Variants in GRAMD4 observed in about 807,000 individuals in gnomAD.
The protein encoded by GRAMD4 is GRAM domain containing 4.
A neutral mutation model predicts 83.9 loss-of-function variants in GRAMD4; 25 were observed. That is an observed-to-expected ratio of 0.30 (90% CI 0.22 to 0.42). GRAMD4 has a LOEUF of 0.42. Among genes scored for constraint, GRAMD4 ranks in the 10% least tolerant of loss-of-function variants. The pLI is 1.00. For missense variants in GRAMD4, 593 were observed against 788.7 expected (o/e 0.75, Z 2.97); for synonymous variants, 336 against 320.9 (o/e 1.05, Z -0.50).
intron 3 of GRAMD4, among the ~76,000 whole-genome samples, chr22:46,640,058 T>G (rs1442713787): frequency 6.6e-6 from 1 of 152,212 alleles, no homozygotes; most frequent in Non-Finnish European, 1.5e-5. Flanking sequence ...GGCCCTTGGT[T>G]GACTGTCCAG....
chr22:46,638,168 C>T (rs1218623037), intron 3 of GRAMD4, among the ~76,000 whole-genome samples: 6 of 152,210 alleles, frequency 3.9e-5, no homozygotes, highest in Non-Finnish European at 8.8e-5. Context: ...TTTGAGCCTC[C>T]CTTGCGGCCC....
chr22:46,606,853 G>C (rs768645210), intron 1 of GRAMD4, among the ~76,000 whole-genome samples: 3 of 152,274 alleles, frequency 2.0e-5, no homozygotes, highest in Non-Finnish European at 4.4e-5. Context: ...ATCTCTTTGT[G>C]TCCCTGCTTT....
At chr22:46,647,747 C>T (rs1177439054) in intron 3 of GRAMD4, among the ~76,000 whole-genome samples, 1 of 152,258 alleles carries the variant, frequency 6.6e-6, no homozygotes, top group Non-Finnish European at 1.5e-5. Context: ...GCTCCCTGGC[C>T]TCACAGCCAA....
intron 1 of GRAMD4, among the ~76,000 whole-genome samples, chr22:46,595,554 G>T (rs537902442): frequency 6.6e-6 from 1 of 152,184 alleles, no homozygotes; most frequent in Admixed American, 6.5e-5. Context: ...AAAAACAGGC[G>T]CCCCTCAAGG....
At position 46,621,840 on chromosome 22, in the gene GRAMD4, G is replaced by A. The variant is rs1189737888; in HGVS notation, c.-50+1275G>A. Among the ~76,000 whole-genome samples the A allele has an allele frequency of 1.3e-5, 2 of 152,244 alleles. No individual in the cohort carries two copies. Among genetic ancestry groups the A allele is most frequent in the East Asian group, 1.9e-4 (1 of 5,196 alleles). On this transcript the variant is annotated intron_variant, in intron 1 of 18. Coordinates refer to ENST00000406902, the MANE Select transcript of GRAMD4 (RefSeq NM_015124.5). This position sits in a 1 kb window ranked among gnomAD's most constrained non-coding sequence, Gnocchi z 5.8. The stretch of plus-strand genomic sequence containing the variant: ...CTGGCAGTGTGTGGTGACATGTGTC[G>A]TGACATGGAGTTTGATTCTTAACTG...
intron 2 of GRAMD4, among the ~76,000 whole-genome samples, chr22:46,637,598 C>T (rs571693406): frequency 1.3e-5 from 2 of 152,362 alleles, no homozygotes; most frequent in Non-Finnish European, 2.9e-5. Flanking sequence ...TATCCACATT[C>T]TCTGAGATGT....
chr22:46,632,650 T>C (rs1042845285), intron 2 of GRAMD4, among the ~76,000 whole-genome samples: 3 of 152,172 alleles, frequency 2.0e-5, no homozygotes, highest in African/African-American at 7.2e-5. Flanking sequence ...CCCAGGGCCT[T>C]GTGTCCCAAT....
Position 46,644,897 on chromosome 22 carries a change from C to CTTTTTTT in GRAMD4, c.283+6964_283+6970dup, listed in dbSNP as rs35677843. On this transcript the variant is annotated intron_variant, in intron 3 of 18. Coordinates refer to ENST00000406902, the MANE Select transcript of GRAMD4 (RefSeq NM_015124.5). Reference sequence around the variant, plus strand: ...ATAGGCACATTGCACTGCACATGGCCTTTTTTTTTTTTTTTTTTTTTTTTT... The same window carrying CTTTTTTT: ...ATAGGCACATTGCACTGCACATGGCCTTTTTTTTTTTTTTTTTTTTTTTTTTTTTTTT... Among the ~76,000 whole-genome samples, 181 of 41,014 alleles carry CTTTTTTT rather than the reference C, an allele frequency of 4.4e-3. 34 individuals are homozygous for CTTTTTTT. The highest frequency in any genetic ancestry group is 7.8e-3 in the East Asian group (8 of 1,024). 26.9% of individuals were successfully genotyped at this position (41,014 alleles called of 152,430 possible).
chr22:46,639,923 C>T (rs371252962), intron 3 of GRAMD4, among the ~76,000 whole-genome samples: 24 of 152,196 alleles, frequency 1.6e-4, no homozygotes, highest in African/African-American at 5.3e-4. Context: ...TCAGTCCTCC[C>T]GATGACCGTC....
intron 2 of GRAMD4, among the ~76,000 whole-genome samples, chr22:46,634,079 C>T (rs13054510): frequency 0.089 from 13,565 of 152,290 alleles, 796 homozygotes; most frequent in African/African-American, 0.16. Flanking sequence ...GCCCTCTGTA[C>T]CTTCAAGGAG....
intron 10 of GRAMD4, 78 bp downstream of exon 10, chr22:46,666,951 G>C (rs2082419066): frequency 9.2e-7 from 1 of 1,081,664 alleles, no homozygotes; most frequent in African/African-American, 1.6e-5. Flanking sequence ...GCACCGCTCG[G>C]GGAAGCCTCT....
At chr22:46,589,767 G>T (rs2081188242) in intron 1 of GRAMD4, among the ~76,000 whole-genome samples, 1 of 152,138 alleles carries the variant, frequency 6.6e-6, no homozygotes. Flanking sequence ...CCACTCCTCA[G>T]GTTTCTAGGT....
At chr22:46,640,926 G>A (rs2147238109) in intron 3 of GRAMD4, among the ~76,000 whole-genome samples, 1 of 145,304 alleles carries the variant, frequency 6.9e-6, no homozygotes, top group East Asian at 2.1e-4. Context: ...AAAAACAAAA[G>A]CCACGAGTCT....
At position 46,620,559 on chromosome 22, in the gene GRAMD4, G is replaced by A; in HGVS notation, c.-56G>A. The A allele has an allele frequency of 1.0e-6, 1 of 954,088 alleles. No individual in the cohort carries two copies. The highest frequency in any genetic ancestry group is 1.2e-6 in the Non-Finnish European group (1 of 803,892). 59.1% of individuals were successfully genotyped at this position (954,088 alleles called of 1,614,324 possible). A position where few individuals can be genotyped will look rare whatever the true frequency, so the allele number is the denominator to read the frequency against. Reference sequence around the variant, plus strand: ...AGTGTTTCTGGATGTATCTGAGACAGACGGAGGTAGGGGGCAGGGGGCAGG... The same window carrying A: ...AGTGTTTCTGGATGTATCTGAGACAAACGGAGGTAGGGGGCAGGGGGCAGG... On this transcript the variant is annotated 5_prime_UTR_variant, in exon 1 of 19. Transcript: ENST00000406902. The surrounding 1 kb of genome is among the most constrained non-coding windows in gnomAD (Gnocchi z 4.7).
chr22:46,646,139 G>A (rs2082069005), intron 3 of GRAMD4, among the ~76,000 whole-genome samples: 1 of 152,202 alleles, frequency 6.6e-6, no homozygotes, highest in Admixed American at 6.5e-5. Flanking sequence ...CCCTGGCTGA[G>A]CTGGAGGGTG....
intron 1 of GRAMD4, among the ~76,000 whole-genome samples, chr22:46,612,307 G>A (rs867535423): frequency 1.3e-5 from 2 of 152,280 alleles, no homozygotes; most frequent in Non-Finnish European, 2.9e-5. Flanking sequence ...GAGGCTGGCC[G>A]ATGGTACTGT....
At chr22:46,623,216 CT>C in intron 1 of GRAMD4, among the ~76,000 whole-genome samples, 1 of 152,214 alleles carries the variant, frequency 6.6e-6, no homozygotes, top group East Asian at 1.9e-4. Context: ...ACCCCCTGCC[CT>C]GCTGGTCTTG....
In GRAMD4 at chr22:46,675,539, C is replaced by A; in HGVS notation, c.1550C>A (p.Thr517Lys). 1 of 1,609,608 alleles carries A rather than the reference C, an allele frequency of 6.2e-7. No homozygotes were observed. The highest frequency in any genetic ancestry group is 1.7e-5 in the Admixed American group (1 of 60,016). ...RNKVIKLVDITDIQKYKVLSV... is the reference protein window; with the variant it reads ...RNKVIKLVDIKDIQKYKVLSV... ...AAAGTCATCAAGCTAGTGGACATCA[C>A]GGACATCCAGAAGGTTGGTGCACCT... The change falls in exon 17 of 19, where the codon ACG becomes AAG. Residue 517 changes from threonine (T) to lysine (K), a missense_variant. Thr to Lys is a moderately conservative substitution (Grantham distance 78). Around this residue, in one of 4 missense-constraint regions of GRAMD4, gnomAD observed 74 missense variants for 152.7 expected, o/e 0.48. Coordinates refer to ENST00000406902, the MANE Select transcript of GRAMD4 (RefSeq NM_015124.5).
At chr22:46,613,135 C>CT (rs1011883262) in intron 1 of GRAMD4, among the ~76,000 whole-genome samples, 4 of 152,228 alleles carry the variant, frequency 2.6e-5, no homozygotes, top group Admixed American at 6.5e-5. Context: ...TTGTGGAACA[C>CT]TTTTTTGGAG....
Sources: allele counts gnomAD v4.1 joint callset (sites outside exome capture counted in the v4.1 genomes callset), GRCh38; gene constraint gnomAD v4.1.1; regional missense constraint gnomAD v4.1.1; non-coding constraint Gnocchi (gnomAD v3.1); transcripts MANE v1.5; gene names NCBI Gene and HGNC (gene_info 2026-07-23, HGNC 2026-07-21).